Variants in PDZD2 observed in about 807,000 individuals in gnomAD.
The protein encoded by PDZD2 is PDZ domain-containing protein 2.
A neutral mutation model predicts 220.7 loss-of-function variants in PDZD2; 90 were observed. That is an observed-to-expected ratio of 0.41 (90% confidence interval 0.34 to 0.49). The LOEUF (loss-of-function observed/expected upper bound fraction) is 0.49. PDZD2 is among the 20% of genes least tolerant of loss of function. The probability of loss-of-function intolerance (pLI) is 0.28; values close to 1 mark genes in which losing one functional copy is unlikely to be tolerated. For missense variants in PDZD2, 3,174 were observed against 3,608.5 expected (o/e 0.88, Z 3.08); for synonymous variants, 1,375 against 1,450.5 (o/e 0.95, Z 1.18).
At chr5:32,021,203 C>T (rs1451517532) in intron 6 of PDZD2, among the ~76,000 whole-genome samples, 1 of 151,736 alleles carries the variant, frequency 6.6e-6, no homozygotes. Flanking sequence ...AGAAATGGAG[C>T]GATTTAGGAC....
intron 1 of PDZD2, among the ~76,000 whole-genome samples, chr5:31,737,284 T>C (rs1749940796): frequency 6.7e-6 from 1 of 148,458 alleles, no homozygotes; most frequent in Non-Finnish European, 1.5e-5. Context: ...GCCATTCTCC[T>C]GCCTCAGCCT....
Position 32,073,957 on chromosome 5 carries a change from G to A in PDZD2, c.2851G>A (p.Ala951Thr), listed in dbSNP as rs572811951. 4 of 1,614,030 alleles carry A rather than the reference G, an allele frequency of 2.5e-6. No homozygotes were observed. Among genetic ancestry groups the A allele is most frequent in the Non-Finnish European group, 3.4e-6 (4 of 1,180,018 alleles). Residue 951 changes from alanine to threonine, a missense_variant, in exon 18 of 25, where the codon GCC (alanine) becomes ACC (threonine). Ala to Thr is a moderately conservative substitution (Grantham distance 58, BLOSUM62 0). This residue lies in a region of PDZD2 where 1,861 missense variants were observed against 2,001.0 expected (regional missense o/e 0.93). Coordinates refer to ENST00000438447, the MANE Select transcript of PDZD2 (RefSeq NM_178140.4). ...RQASLPGSPQ[A>T]LRNPLLRQRK... ...AGCCAGTCTCCCCGGAAGCCCACAG[G>A]CCCTCCGAAACCCTCTCCTCCGCCA...
intron 6 of PDZD2, among the ~76,000 whole-genome samples, chr5:32,016,649 C>G (rs76571130): frequency 9.2e-5 from 14 of 152,174 alleles, no homozygotes; most frequent in Non-Finnish European, 1.9e-4. Context: ...CTCACAGTCT[C>G]TCTGAGCCCA....
chr5:31,713,674 A>C (rs2150141135), intron 1 of PDZD2, among the ~76,000 whole-genome samples: 1 of 152,230 alleles, frequency 6.6e-6, no homozygotes, highest in East Asian at 1.9e-4. Flanking sequence ...TCCCCTCCTA[A>C]GTAGCTGGGA....
chr5:32,054,506 G>A (rs1244330829), intron 10 of PDZD2, among the ~76,000 whole-genome samples: 1 of 151,294 alleles, frequency 6.6e-6, no homozygotes, highest in Non-Finnish European at 1.5e-5. Context: ...GTATATTTTT[G>A]TAGAGACGAG....
In PDZD2 at chr5:31,879,065, G is replaced by A. The variant is rs187187128; in HGVS notation, c.476+79341G>A. Among the ~76,000 whole-genome samples the A allele has an allele frequency of 1.3e-3, 205 of 152,078 alleles. 3 individuals are homozygous for A. Among genetic ancestry groups the A allele is most frequent in the Admixed American group, 0.012 (187 of 15,248 alleles). ...CGTTTATATTCTAATTACTGTCAGT[G>A]GTGGAATGCTTAAATGGATGTTAAG... On this transcript the variant is annotated intron_variant, in intron 2 of 24. Coordinates refer to ENST00000438447, the MANE Select transcript of PDZD2 (RefSeq NM_178140.4).
intron 2 of PDZD2, among the ~76,000 whole-genome samples, chr5:31,910,548 C>T (rs34564970): frequency 0.18 from 27,448 of 151,456 alleles, 2,794 homozygotes; most frequent in Non-Finnish European, 0.23. Context: ...TCACCACTAC[C>T]CCAAACTAAT....
At chr5:31,911,024 T>C (rs938009603) in intron 2 of PDZD2, among the ~76,000 whole-genome samples, 1 of 152,198 alleles carries the variant, frequency 6.6e-6, no homozygotes, top group Non-Finnish European at 1.5e-5. Context: ...CAATAGTAAT[T>C]TGTCATCCAA....
intron 4 of PDZD2, among the ~76,000 whole-genome samples, chr5:31,998,953 G>C (rs1751872549): frequency 6.6e-6 from 1 of 152,212 alleles, no homozygotes; most frequent in African/African-American, 2.4e-5. Flanking sequence ...TGGGAGATCA[G>C]AGCACTGGAG....
chr5:32,069,863 T>G (rs527720731), intron 15 of PDZD2, among the ~76,000 whole-genome samples: 48 of 152,332 alleles, frequency 3.2e-4, no homozygotes, highest in African/African-American at 1.2e-3. Context: ...CATGCATGCT[T>G]CTTATAGTAC....
chr5:32,045,261 C>T (rs753935950), intron 7 of PDZD2, among the ~76,000 whole-genome samples: 14 of 152,276 alleles, frequency 9.2e-5, no homozygotes, highest in Non-Finnish European at 1.5e-4. Flanking sequence ...CAGACTGGCT[C>T]CAAAATGGCT....
intron 1 of PDZD2, among the ~76,000 whole-genome samples, chr5:31,681,241 T>G (rs1218356746): frequency 6.6e-6 from 1 of 152,142 alleles, no homozygotes; most frequent in African/African-American, 2.4e-5. Flanking sequence ...GTTTTATTTG[T>G]TTTTGTTTTT....
At chr5:31,853,883 T>C in intron 2 of PDZD2, among the ~76,000 whole-genome samples, 1 of 152,112 alleles carries the variant, frequency 6.6e-6, no homozygotes, top group Middle Eastern at 3.2e-3. Flanking sequence ...TGCACTGAGA[T>C]TGGTGCCATC....
rs150471522 is a variant in PDZD2 at position 31,660,925 on chromosome 5, G to A, written c.-361+21488G>A. On this transcript the variant is annotated intron_variant, in intron 1 of 24. Coordinates refer to ENST00000438447, the MANE Select transcript of PDZD2 (RefSeq NM_178140.4). Reference sequence around the variant, plus strand: ...GTTTTGTTTTGTTTTGTGGAGATGGGGTCTTGCTATATTGTCCAGCCTGGT... The same window carrying A: ...GTTTTGTTTTGTTTTGTGGAGATGGAGTCTTGCTATATTGTCCAGCCTGGT... Among the ~76,000 whole-genome samples, 11 of 152,138 alleles carry A rather than the reference G, an allele frequency of 7.2e-5. No individual in the cohort carries two copies. In the East Asian group the frequency reaches 2.1e-3, roughly 29 times the overall value.
chr5:31,921,489 G>C (rs1297850674), intron 2 of PDZD2, among the ~76,000 whole-genome samples: 1 of 152,008 alleles, frequency 6.6e-6, no homozygotes, highest in African/African-American at 2.4e-5. Context: ...TTCGAGACCA[G>C]CCTAGGCAGC....
At chr5:31,909,620 T>G (rs1742996230) in intron 2 of PDZD2, among the ~76,000 whole-genome samples, 1 of 152,216 alleles carries the variant, frequency 6.6e-6, no homozygotes, top group East Asian at 1.9e-4. Context: ...TTTAGTATAC[T>G]AAAAGGATAA....
chr5:31,803,701 G>A (rs1754539401), intron 2 of PDZD2, among the ~76,000 whole-genome samples: 1 of 152,018 alleles, frequency 6.6e-6, no homozygotes, highest in Non-Finnish European at 1.5e-5. Context: ...CCTGGGAGGG[G>A]CAGCCTGTCG....
At chr5:31,961,643 TTTTG>T (rs772012169) in intron 2 of PDZD2, among the ~76,000 whole-genome samples, 34 of 152,192 alleles carry the variant, frequency 2.2e-4, no homozygotes, top group South Asian at 1.9e-3. Context: ...AGTTGCTTTG[TTTTG>T]TTTGTTTGTT....
chr5:31,742,883 G>T (rs1239859374), intron 1 of PDZD2, among the ~76,000 whole-genome samples: 1 of 152,214 alleles, frequency 6.6e-6, no homozygotes, highest in Non-Finnish European at 1.5e-5. Flanking sequence ...GCTGGAAGAT[G>T]TGAATTAAAT....
Sources: gnomAD v4.1 joint callset for allele counts (sites outside exome capture counted in the v4.1 genomes callset) on GRCh38, gnomAD v4.1.1 for gene constraint, gnomAD v4.1.1 regional missense constraint, MANE v1.5 for transcripts, NCBI Gene and HGNC (gene_info 2026-07-23, HGNC 2026-07-21) for gene names.